Variants in ELAPOR1 observed in about 807,000 individuals in gnomAD.
The protein encoded by ELAPOR1 is endosome-lysosome associated apoptosis and autophagy regulator 1, also known as endosome/lysosome-associated apoptosis and autophagy regulator 1.
Under a neutral mutation model 119.7 loss-of-function variants are expected in ELAPOR1, and 77 were observed. The ratio of observed to expected loss-of-function variants is 0.64; its 90% CI spans 0.54 to 0.78. The LOEUF (loss-of-function observed/expected upper bound fraction) is 0.78. Among genes scored for constraint, ELAPOR1 ranks in the 30% least tolerant of loss-of-function variants. The pLI, the probability that ELAPOR1 is intolerant of heterozygous loss-of-function variation, is 0.00. For synonymous variants in ELAPOR1, 481 were observed against 487.2 expected (o/e 0.99, Z 0.17); for missense variants, 1,115 against 1,270.4 (o/e 0.88, Z 1.86).
intron 1 of ELAPOR1, among the ~76,000 whole-genome samples, chr1:109,160,598 A>C (rs1651187243): frequency 6.6e-6 from 1 of 152,250 alleles, no homozygotes; most frequent in Non-Finnish European, 1.5e-5. Context: ...TTAGATTAGC[A>C]AACTTCAAAA....
intron 20 of ELAPOR1, 87 bp from the exon 21 acceptor site, chr1:109,200,648 G>T: frequency 3.1e-6 from 4 of 1,292,632 alleles, no homozygotes; most frequent in Non-Finnish European, 2.2e-6. Context: ...ATGGGAATAG[G>T]ACCTGTTCAT....
At chr1:109,159,507 G>A (rs1487249000) in intron 1 of ELAPOR1, among the ~76,000 whole-genome samples, 1 of 152,150 alleles carries the variant, frequency 6.6e-6, no homozygotes, top group African/African-American at 2.4e-5. Context: ...CAATTCTTGG[G>A]CCTCAGAAGT....
rs1649845830 is a variant in ELAPOR1, at chr1:109,141,826, T to C, written c.154-20068T>C. 2.0e-5 allele frequency among the ~76,000 whole-genome samples: 3 copies of C among 151,804 alleles called. No homozygotes were observed. In the South Asian group the frequency reaches 6.2e-4, roughly 32 times the overall value. On this transcript the variant is annotated intron_variant, in intron 1 of 21. Coordinates refer to ENST00000369939, the MANE Select transcript of ELAPOR1 (RefSeq NM_020775.5). Reference sequence around the variant, plus strand: ...GACCACAGGAGTGCACCACCACACCTGGCTAATTTTTTTTTTTTTCTAGAG... The same window carrying C: ...GACCACAGGAGTGCACCACCACACCCGGCTAATTTTTTTTTTTTTCTAGAG...
chr1:109,184,971 C>A, intron 7 of ELAPOR1, 74 bp from the exon 8 acceptor site: 2 of 1,140,120 alleles, frequency 1.8e-6, no homozygotes, highest in Non-Finnish European at 2.7e-6. Context: ...TTGGGAGTCA[C>A]AGGGCCATGA....
chr1:109,184,389 A>T (rs1652925404), intron 7 of ELAPOR1, among the ~76,000 whole-genome samples: 1 of 152,150 alleles, frequency 6.6e-6, no homozygotes, highest in Admixed American at 6.5e-5. Flanking sequence ...ATAATAATAA[A>T]GATAGTGTTG....
In ELAPOR1 at chr1:109,121,382, G is replaced by T. The variant is rs1039350885; in HGVS notation, c.153+7046G>T. On this transcript the variant is annotated intron_variant, in intron 1 of 21. Transcript: ENST00000369939. ...CACTGGTCTCGAACTCTTGACCTCG[G>T]GTGATCCACCCCCCTCAGCCTCCCA... is the stretch of plus-strand genomic sequence containing the variant. 2.0e-5 allele frequency among the ~76,000 whole-genome samples: 3 copies of T among 152,006 alleles called. No individual in the cohort carries two copies. The East Asian group carries it at 5.8e-4, about 29-fold the overall frequency.
At position 109,122,633 on chromosome 1, in the gene ELAPOR1, C is replaced by A. The variant is rs1256374829; in HGVS notation, c.153+8297C>A. On this transcript the variant is annotated intron_variant, in intron 1 of 21. Transcript: ENST00000369939. ...CCGTGATCAAGCCACTACTCTCCAG[C>A]ATGGGCAACACAGTGGGACTCTCTC... 2.6e-5 allele frequency among the ~76,000 whole-genome samples: 4 copies of A among 151,786 alleles called. No individual in the cohort carries two copies. The East Asian group carries it at 7.8e-4, about 29-fold the overall frequency.
intron 21 of ELAPOR1, 70 bp from the exon 22 acceptor site, chr1:109,202,873 TC>T (rs760907060): frequency 3.3e-5 from 47 of 1,427,936 alleles, no homozygotes; most frequent in Non-Finnish European, 4.5e-5. Context: ...TCACCTATTT[TC>T]CATTTCTCTC....
At chr1:109,198,729 A>T in intron 18 of ELAPOR1, 55 bp downstream of exon 18, 1 of 1,447,994 alleles carries the variant, frequency 6.9e-7, no homozygotes. Flanking sequence ...AAGTCATTCC[A>T]TCCTGAGATC....
intron 1 of ELAPOR1, among the ~76,000 whole-genome samples, chr1:109,153,733 G>C (rs1437108750): frequency 6.6e-6 from 1 of 151,818 alleles, no homozygotes; most frequent in Non-Finnish European, 1.5e-5. Flanking sequence ...TCTGCCTCCT[G>C]GGTTCAAGCG....
At chr1:109,114,957 A>C in intron 1 of ELAPOR1, among the ~76,000 whole-genome samples, 1 of 152,158 alleles carries the variant, frequency 6.6e-6, no homozygotes, top group Non-Finnish European at 1.5e-5. Context: ...ACCTGACAGT[A>C]CACGACTCAC....
chr1:109,150,671 CAA>C (rs897290222), intron 1 of ELAPOR1, among the ~76,000 whole-genome samples: 1 of 152,100 alleles, frequency 6.6e-6, no homozygotes, highest in African/African-American at 2.4e-5. Context: ...TTGGTTCAAA[CAA>C]AATTTTAACT....
chr1:109,188,302 C>A lies in ELAPOR1; in HGVS notation c.1167C>A (p.Thr389=). The change falls in exon 9 of 22, where the codon ACC becomes ACA. Residue 389 remains threonine (T), a synonymous_variant. Coordinates refer to ENST00000369939, the MANE Select transcript of ELAPOR1 (RefSeq NM_020775.5). ...CCTGCAACCCAGGCTTCTTCAAAAC[C>A]AACAACAGCACCTGCCAGCCCTGCC... ...CPPCNPGFFK[T]NNSTCQPCPY... is the part of the protein sequence containing the mutation. 2 of 1,614,184 alleles carry A rather than the reference C, an allele frequency of 1.2e-6. No individual in the cohort carries two copies. The highest frequency in any genetic ancestry group is 1.7e-6 in the Non-Finnish European group (2 of 1,180,000).
chr1:109,149,431 G>T (rs141022828), intron 1 of ELAPOR1, among the ~76,000 whole-genome samples: 10,991 of 152,092 alleles, frequency 0.072, 451 homozygotes, highest in Non-Finnish European at 0.09. Flanking sequence ...TTAGCAGGGT[G>T]TTACCCTCCC....
At position 109,146,372 on chromosome 1, in the gene ELAPOR1, A is replaced by G. The variant is rs555180782; in HGVS notation, c.154-15522A>G. Among the ~76,000 whole-genome samples the G allele has an allele frequency of 3.6e-3, 554 of 152,156 alleles. 5 individuals carry two copies. The highest frequency in any genetic ancestry group is 0.013 in the African/African-American group (530 of 41,532). On this transcript the variant is annotated intron_variant, in intron 1 of 21. Coordinates refer to ENST00000369939, the MANE Select transcript of ELAPOR1 (RefSeq NM_020775.5). ...ATTCAAAAATTAAGAATTCCAGGCC[A>G]GGAAGAAAAAGATAAATCCATATCT... is the stretch of plus-strand genomic sequence containing the variant.
chr1:109,180,913 T>C (rs1652652862), intron 7 of ELAPOR1, among the ~76,000 whole-genome samples: 1 of 152,108 alleles, frequency 6.6e-6, no homozygotes, highest in Non-Finnish European at 1.5e-5. Flanking sequence ...TGTACTGAGC[T>C]GATTGTGCCA....
intron 14 of ELAPOR1, among the ~76,000 whole-genome samples, chr1:109,193,764 G>A (rs909062768): frequency 1.3e-5 from 2 of 152,156 alleles, no homozygotes; most frequent in Non-Finnish European, 2.9e-5. Flanking sequence ...TGTGCAATAA[G>A]TGCAGCGATT....
chr1:109,177,244 C>CCG (rs1652371232), intron 7 of ELAPOR1, among the ~76,000 whole-genome samples: 1 of 149,294 alleles, frequency 6.7e-6, no homozygotes, highest in African/African-American at 2.5e-5. Context: ...GCTGACCCCC[C>CCG]CACCTCCCTC....
intron 7 of ELAPOR1, among the ~76,000 whole-genome samples, chr1:109,179,041 C>A (rs187187571): frequency 6.6e-6 from 1 of 151,472 alleles, no homozygotes. Context: ...AAGTTTCACT[C>A]GCTAAGATCT....
Sources: gnomAD v4.1 joint callset for allele counts (sites outside exome capture counted in the v4.1 genomes callset) on GRCh38, gnomAD v4.1.1 for gene constraint, MANE v1.5 for transcripts, NCBI Gene and HGNC (gene_info 2026-07-23, HGNC 2026-07-21) for gene names.